PRKG1: variants seen among roughly 807,000 people sequenced by gnomAD.
The protein encoded by PRKG1 is cGMP-dependent protein kinase 1.
Under a neutral mutation model 88.1 loss-of-function variants are expected in PRKG1, and 35 were observed. That is an observed-to-expected ratio of 0.40 (90% confidence interval 0.30 to 0.53). The LOEUF (loss-of-function observed/expected upper bound fraction) is 0.53, where lower values mean the gene tolerates loss of function less well. Ranked by LOEUF, PRKG1 falls within the 20% of genes least tolerant of loss-of-function variation. The pLI, the probability that PRKG1 is intolerant of heterozygous loss-of-function variation, is 0.59. For missense variants in PRKG1, 540 were observed against 839.8 expected (o/e 0.64, Z 4.41); for synonymous variants, 303 against 292.5 (o/e 1.04, Z -0.37).
chr10:52,023,162 T>C (rs965902627), intron 5 of PRKG1, among the ~76,000 whole-genome samples: 3 of 152,162 alleles, frequency 2.0e-5, no homozygotes, highest in Non-Finnish European at 2.9e-5. Context: ...TGAGAACATG[T>C]GGTGTTTGGT....
chr10:51,184,890 CA>C (rs1837445964), intron 2 of PRKG1, among the ~76,000 whole-genome samples: 2 of 152,078 alleles, frequency 1.3e-5, no homozygotes, highest in South Asian at 4.2e-4. Context: ...GGAGCTCTGG[CA>C]CTTATATCCC....
intron 3 of PRKG1, among the ~76,000 whole-genome samples, chr10:51,789,848 G>A (rs1352107058): frequency 1.3e-5 from 2 of 151,474 alleles, no homozygotes; most frequent in African/African-American, 4.9e-5. Context: ...TTTAGATGGA[G>A]TCTTGCTTTG....
rs544335304 is a variant in PRKG1, at chr10:51,817,513, G to T, written c.698+12823G>T. On this transcript the variant is annotated intron_variant, in intron 4 of 17. Coordinates refer to ENST00000373980, the MANE Select transcript of PRKG1 (RefSeq NM_006258.4). Reference sequence around the variant, plus strand: ...GGTTTCCAGCTTCATCCATGTCCCTGCATAGGACATGAACTCATCCTTTTT... The same window carrying T: ...GGTTTCCAGCTTCATCCATGTCCCTTCATAGGACATGAACTCATCCTTTTT... Among the ~76,000 whole-genome samples, 303 of 152,212 alleles carry T rather than the reference G, an allele frequency of 2.0e-3. 1 individual carries two copies. Among genetic ancestry groups the T allele is most frequent in the African/African-American group, 6.9e-3 (288 of 41,518 alleles).
intron 3 of PRKG1, among the ~76,000 whole-genome samples, chr10:51,777,246 G>A (rs1345596633): frequency 6.6e-6 from 1 of 151,958 alleles, no homozygotes; most frequent in Non-Finnish European, 1.5e-5. Context: ...AATAATGCCA[G>A]GTATGCATTA....
chr10:51,527,020 C>T (rs961015612), intron 3 of PRKG1, among the ~76,000 whole-genome samples: 1 of 152,100 alleles, frequency 6.6e-6, no homozygotes, highest in African/African-American at 2.4e-5. Flanking sequence ...CTCCAAACTG[C>T]CATTTTAGAC....
intron 2 of PRKG1, among the ~76,000 whole-genome samples, chr10:51,465,861 G>A (rs993241149): frequency 6.6e-6 from 1 of 152,186 alleles, no homozygotes; most frequent in African/African-American, 2.4e-5. Flanking sequence ...AATTATGCCA[G>A]TGATAAGAGC....
chr10:52,199,820 A>T (rs1197680832), intron 9 of PRKG1, among the ~76,000 whole-genome samples: 1 of 152,120 alleles, frequency 6.6e-6, no homozygotes, highest in Non-Finnish European at 1.5e-5. Context: ...TAGGACAACC[A>T]GTGGAGCAGT....
chr10:51,535,199 ATAT>A (rs1317462066), intron 3 of PRKG1, among the ~76,000 whole-genome samples: 1 of 152,160 alleles, frequency 6.6e-6, no homozygotes, highest in Non-Finnish European at 1.5e-5. Flanking sequence ...TGGATAGGTA[ATAT>A]TATGTGGTGT....
chr10:51,003,160 G>A (rs1384644952), intron 1 of PRKG1, among the ~76,000 whole-genome samples: 4 of 143,504 alleles, frequency 2.8e-5, no homozygotes, highest in Non-Finnish European at 6.0e-5. Context: ...GTGTCTGCAG[G>A]GCCAAAACAA....
intron 3 of PRKG1, among the ~76,000 whole-genome samples, chr10:51,673,302 T>C (rs1840629577): frequency 6.6e-6 from 1 of 152,174 alleles, no homozygotes; most frequent in Non-Finnish European, 1.5e-5. Flanking sequence ...TTATATTTTA[T>C]GAAGAGTAGC....
At chr10:51,657,450 A>C (rs1370079223) in intron 3 of PRKG1, among the ~76,000 whole-genome samples, 3 of 152,156 alleles carry the variant, frequency 2.0e-5, no homozygotes, top group African/African-American at 7.2e-5. Context: ...GGCAATGCAG[A>C]GTGGAAGATT....
intron 2 of PRKG1, among the ~76,000 whole-genome samples, chr10:51,201,430 G>C (rs1837910754): frequency 6.6e-6 from 1 of 151,992 alleles, no homozygotes; most frequent in Non-Finnish European, 1.5e-5. Context: ...CCAGCCTAGG[G>C]GACAAGAGTG....
intron 5 of PRKG1, among the ~76,000 whole-genome samples, chr10:51,956,389 A>C (rs1843303365): frequency 6.6e-6 from 1 of 151,742 alleles, no homozygotes; most frequent in African/African-American, 2.4e-5. Flanking sequence ...ACATATATTC[A>C]TTTTGTGTAT....
intron 1 of PRKG1, among the ~76,000 whole-genome samples, chr10:51,048,309 TC>T (rs1410341387): frequency 6.6e-6 from 1 of 151,958 alleles, no homozygotes; most frequent in African/African-American, 2.4e-5. Context: ...CCTTCCTCTC[TC>T]CCCCTTTCTC....
chr10:51,815,783 C>T (rs1330958162), intron 4 of PRKG1, among the ~76,000 whole-genome samples: 1 of 152,100 alleles, frequency 6.6e-6, no homozygotes, highest in Non-Finnish European at 1.5e-5. Flanking sequence ...TAGAATCTGG[C>T]TGTTGGGCAG....
At chr10:51,728,449 C>CTTT (rs201683049) in intron 3 of PRKG1, among the ~76,000 whole-genome samples, 1,123 of 57,690 alleles carry the variant, frequency 0.019, 32 homozygotes, top group South Asian at 0.024. Context: ...TCCATTTTTT[C>CTTT]TTTGTTTTTT....
Position 51,229,595 on chromosome 10 carries a change from C to T in PRKG1, c.478+76265C>T, listed in dbSNP as rs1370232641. Among the ~76,000 whole-genome samples, 3 of 152,180 alleles carry T rather than the reference C, an allele frequency of 2.0e-5. No individual in the cohort carries two copies. The East Asian group carries it at 5.8e-4, about 29-fold the overall frequency. On this transcript the variant is annotated intron_variant, in intron 2 of 17. Transcript: ENST00000373980. The stretch of plus-strand genomic sequence containing the variant: ...TCTTAGTCTCTCCAAGACTCAGTTT[C>T]CCTAACACATAAAAATGGGACTAAA...
chr10:51,688,427 G>A (rs1014842892), intron 3 of PRKG1, among the ~76,000 whole-genome samples: 1 of 152,158 alleles, frequency 6.6e-6, no homozygotes, highest in Admixed American at 6.5e-5. Context: ...TAATCCCGTG[G>A]AGGTTAAAGG....
intron 9 of PRKG1, among the ~76,000 whole-genome samples, chr10:52,249,967 A>G (rs1841133219): frequency 6.6e-6 from 1 of 152,232 alleles, no homozygotes; most frequent in Admixed American, 6.5e-5. Context: ...CCAGGCGGCC[A>G]GGAAATGCTT....
Sources: allele counts gnomAD v4.1 joint callset (sites outside exome capture counted in the v4.1 genomes callset), GRCh38; gene constraint gnomAD v4.1.1; transcripts MANE v1.5; gene names NCBI Gene and HGNC (gene_info 2026-07-23, HGNC 2026-07-21).